The following OPCML variants were observed in gnomAD, a reference collection of about 807,000 sequenced individuals.
OPCML encodes the protein opioid binding protein/cell adhesion molecule like.
OPCML carries 13 observed loss-of-function variants against 37.8 expected under a neutral mutation model. The observed-to-expected ratio is 0.34, with a 90% CI of 0.22 to 0.55. The LOEUF (loss-of-function observed/expected upper bound fraction) is 0.55, where lower values mean the gene tolerates loss of function less well. Among genes scored for constraint, OPCML ranks in the 20% least tolerant of loss-of-function variants. The pLI is 0.91. For missense variants in OPCML, 341 were observed against 435.6 expected, an observed-to-expected ratio of 0.78 and a Z score of 1.93; for synonymous variants, 176 against 168.8, an observed-to-expected ratio of 1.04 and a Z score of -0.33.
chr11:132,740,126 G>A (rs377173510), intron 2 of OPCML, among the ~76,000 whole-genome samples: 3 of 152,314 alleles, frequency 2.0e-5, no homozygotes, highest in Non-Finnish European at 2.9e-5. Context: ...AGCAGGTGTC[G>A]AAGGATAAAT....
At chr11:132,645,695 T>A (rs549155875) in intron 3 of OPCML, among the ~76,000 whole-genome samples, 39 of 152,366 alleles carry the variant, frequency 2.6e-4, no homozygotes, top group South Asian at 6.2e-4. Flanking sequence ...TAAAAAGCCC[T>A]AGCAACTCTA....
chr11:132,916,228 G>A (rs539399543), intron 2 of OPCML, among the ~76,000 whole-genome samples: 1 of 152,188 alleles, frequency 6.6e-6, no homozygotes, highest in African/African-American at 2.4e-5. Flanking sequence ...CTTGGAAATA[G>A]GACACTAATT....
Position 133,147,122 on chromosome 11 carries a change from G to A in OPCML, c.62-204112C>T, listed in dbSNP as rs967877047. Among the ~76,000 whole-genome samples the A allele has an allele frequency of 6.6e-5, 10 of 152,284 alleles. No individual in the cohort carries two copies. The East Asian group carries it at 1.3e-3, about 21-fold the overall frequency. ...CAATCCCTGAGTGTCAGGGGCTGCC[G>A]CCTCCTCTGATCACTTCAACTTTAA... On this transcript the variant is annotated intron_variant, in intron 1 of 7. Transcript: ENST00000524381.
chr11:132,479,043 G>A (rs1048340769), intron 4 of OPCML, among the ~76,000 whole-genome samples: 24 of 152,086 alleles, frequency 1.6e-4, no homozygotes, highest in African/African-American at 4.6e-4. Flanking sequence ...CAAGATGGCC[G>A]AATAGGAACA....
chr11:133,266,787 A>C (rs1941672487), intron 1 of OPCML, among the ~76,000 whole-genome samples: 1 of 152,206 alleles, frequency 6.6e-6, no homozygotes, highest in Non-Finnish European at 1.5e-5. Context: ...TCCAAGCCAG[A>C]ACAATGTGGT....
At chr11:132,884,866 A>G (rs554868100) in intron 2 of OPCML, among the ~76,000 whole-genome samples, 11 of 152,352 alleles carry the variant, frequency 7.2e-5, no homozygotes, top group Non-Finnish European at 1.3e-4. Context: ...GTGACACATC[A>G]TTTAAAAAAC....
At chr11:132,460,933 A>G (rs1343368612) in intron 4 of OPCML, among the ~76,000 whole-genome samples, 1 of 152,206 alleles carries the variant, frequency 6.6e-6, no homozygotes, top group Non-Finnish European at 1.5e-5. Flanking sequence ...AGCTCATTTC[A>G]TATGATGGAT....
At chr11:132,999,144 T>C (rs1263753925) in intron 1 of OPCML, among the ~76,000 whole-genome samples, 1 of 152,206 alleles carries the variant, frequency 6.6e-6, no homozygotes, top group Admixed American at 6.5e-5. Context: ...CCAGCAGTCC[T>C]GCCCTATCTG....
At chr11:132,480,703 G>C (rs1466857544) in intron 4 of OPCML, among the ~76,000 whole-genome samples, 2 of 152,094 alleles carry the variant, frequency 1.3e-5, no homozygotes, top group African/African-American at 4.8e-5. Context: ...GAAGAGAGTG[G>C]GGACCAATAT....
intron 4 of OPCML, among the ~76,000 whole-genome samples, chr11:132,438,867 A>T (rs2096022358): frequency 6.6e-6 from 1 of 151,980 alleles, no homozygotes; most frequent in Non-Finnish European, 1.5e-5. Context: ...GGCTTCCACC[A>T]CCCACCTACC....
At chr11:133,217,200 C>T (rs542929724) in intron 1 of OPCML, among the ~76,000 whole-genome samples, 3 of 152,186 alleles carry the variant, frequency 2.0e-5, no homozygotes, top group Non-Finnish European at 4.4e-5. Context: ...TCTGGTCAAC[C>T]TTCAGAAGCC....
At chr11:133,066,479 G>C (rs925855770) in intron 1 of OPCML, 1 of 152,106 alleles carries the variant, frequency 6.6e-6, no homozygotes, top group African/African-American at 2.4e-5. Context: ...TCCTGACTTG[G>C]GTCCTGCAAT....
At chr11:133,439,685 T>C (rs184162519) in intron 1 of OPCML, among the ~76,000 whole-genome samples, 3 of 151,644 alleles carry the variant, frequency 2.0e-5, no homozygotes, top group Admixed American at 2.0e-4. Context: ...GCCAGGATGG[T>C]CTCGATCTCC....
chr11:133,236,707 C>CAT, intron 1 of OPCML, among the ~76,000 whole-genome samples: 1 of 152,244 alleles, frequency 6.6e-6, no homozygotes, highest in Non-Finnish European at 1.5e-5. Context: ...AGCATTAGGT[C>CAT]ATAGCCTGTT....
intron 3 of OPCML, among the ~76,000 whole-genome samples, chr11:132,609,650 G>T (rs928233684): frequency 6.6e-6 from 1 of 152,132 alleles, no homozygotes; most frequent in Non-Finnish European, 1.5e-5. Context: ...CAGTTGAAAT[G>T]CCACCCATCC....
intron 1 of OPCML, among the ~76,000 whole-genome samples, chr11:133,035,644 A>G (rs770607215): frequency 6.6e-5 from 10 of 152,154 alleles, no homozygotes; most frequent in Non-Finnish European, 1.2e-4. Context: ...GCCCCCCCAA[A>G]AAATGTACAT....
intron 4 of OPCML, among the ~76,000 whole-genome samples, chr11:132,438,494 T>C (rs1208778918): frequency 6.6e-6 from 1 of 151,720 alleles, no homozygotes. Flanking sequence ...GGTGGGCCAG[T>C]GTGTAGGACA....
chr11:133,139,927 C>A (rs1409032311), intron 1 of OPCML, among the ~76,000 whole-genome samples: 2 of 152,100 alleles, frequency 1.3e-5, no homozygotes, highest in African/African-American at 4.8e-5. Context: ...TGGCTCACTC[C>A]TGTAATCCTA....
intron 2 of OPCML, among the ~76,000 whole-genome samples, chr11:132,917,060 G>A (rs7926231): frequency 0.018 from 2,786 of 152,266 alleles, 96 homozygotes; most frequent in African/African-American, 0.064. Context: ...CAGTGACCAA[G>A]CCCAAGCTAC....
Sources: allele counts gnomAD v4.1 joint callset (sites outside exome capture counted in the v4.1 genomes callset), GRCh38; gene constraint gnomAD v4.1.1; transcripts MANE v1.5; gene names NCBI Gene and HGNC (gene_info 2026-07-23, HGNC 2026-07-21).